Variants in NBAS observed in about 807,000 individuals in gnomAD.
The protein encoded by NBAS is NBAS subunit of NRZ tethering complex, also known as NAG/BC035112 fusion.
In NBAS, 219 loss-of-function variants were observed where a neutral mutation model predicts 302.5. The observed-to-expected ratio is 0.72, with a 90% CI of 0.65 to 0.81. The LOEUF is 0.81. Among genes scored for constraint, NBAS ranks in the 30% least tolerant of loss-of-function variants. The pLI is 0.00. For synonymous variants in NBAS, 1,118 were observed against 1,021.6 expected, an observed-to-expected ratio of 1.09 and a Z score of -1.80; for missense variants, 2,932 against 2,841.6, an observed-to-expected ratio of 1.03 and a Z score of -0.72.
At chr2:15,499,729 A>G (rs141774112) in intron 11 of NBAS, among the ~76,000 whole-genome samples, 70 of 152,362 alleles carry the variant, frequency 4.6e-4, no homozygotes, top group African/African-American at 1.6e-3. Flanking sequence ...GTTTACCTAT[A>G]TAACAAACCT....
At chr2:14,865,337 TG>T in the NBAS span, among the ~76,000 whole-genome samples, 1 of 117,072 alleles carries the variant, frequency 8.5e-6, no homozygotes, top group Non-Finnish European at 1.8e-5. Context: ...GGGAAGCAGG[TG>T]GGGGTGGGGA....
the NBAS span, among the ~76,000 whole-genome samples, chr2:14,989,842 C>T: frequency 4.6e-5 from 7 of 151,966 alleles, no homozygotes; most frequent in Admixed American, 1.3e-4. Context: ...TATTACATGG[C>T]CACTAAAAAA....
chr2:15,424,504 A>G lies in NBAS; in HGVS notation c.2424-36T>C, dbSNP rs150990047. On this transcript the variant is annotated intron_variant, in intron 22 of 51. Coordinates refer to ENST00000281513, the MANE Select transcript of NBAS (RefSeq NM_015909.4). ...CAAAAGGACCAATTAATAACTGACT[A>G]GAATGTTGGAAAAACATATAATTTT... The G allele has an allele frequency of 6.0e-4, 967 of 1,610,294 alleles. 7 individuals are homozygous for G. In the East Asian group the frequency reaches 0.014, roughly 23 times the overall value.
chr2:15,018,715 A>T, the NBAS span, among the ~76,000 whole-genome samples: 3 of 152,110 alleles, frequency 2.0e-5, no homozygotes, highest in Non-Finnish European at 4.4e-5. Flanking sequence ...TTTGAAAACC[A>T]TTTCTACACG....
chr2:14,952,738 G>T, the NBAS span, among the ~76,000 whole-genome samples: 2 of 152,234 alleles, frequency 1.3e-5, no homozygotes, highest in Non-Finnish European at 2.9e-5. Context: ...GAAACACCCA[G>T]CACCCAGCAG....
the NBAS span, among the ~76,000 whole-genome samples, chr2:15,146,027 G>T: frequency 1.3e-5 from 2 of 152,086 alleles, no homozygotes; most frequent in African/African-American, 4.8e-5. Flanking sequence ...ACTGTTCTAA[G>T]TGTTGAGAAT....
At chr2:15,394,697 T>C (rs1341354533) in intron 27 of NBAS, among the ~76,000 whole-genome samples, 3 of 152,092 alleles carry the variant, frequency 2.0e-5, no homozygotes, top group East Asian at 1.9e-4. Flanking sequence ...ATTAATCCTA[T>C]TGAGTATTCT....
chr2:14,971,729 C>T, the NBAS span, among the ~76,000 whole-genome samples: 341 of 152,244 alleles, frequency 2.2e-3, no homozygotes, highest in African/African-American at 8.0e-3. Context: ...TTGGGCAGTC[C>T]ACCACGGTGA....
chr2:15,055,123 G>A, the NBAS span, among the ~76,000 whole-genome samples: 3 of 152,228 alleles, frequency 2.0e-5, no homozygotes, highest in Admixed American at 6.5e-5. Flanking sequence ...ACATTCACTC[G>A]AAGCAATGGT....
chr2:15,358,394 G>A (rs2148318116), intron 32 of NBAS, among the ~76,000 whole-genome samples: 1 of 152,062 alleles, frequency 6.6e-6, no homozygotes, highest in African/African-American at 2.4e-5. Flanking sequence ...GTGTGTGTGT[G>A]TATGTGTGTG....
At chr2:15,315,191 T>C (rs1487108956) in intron 38 of NBAS, among the ~76,000 whole-genome samples, 1 of 152,184 alleles carries the variant, frequency 6.6e-6, no homozygotes, top group African/African-American at 2.4e-5. Flanking sequence ...GTTAAAGATA[T>C]GCAGTGTAGT....
the NBAS span, among the ~76,000 whole-genome samples, chr2:14,967,823 T>G: frequency 6.6e-6 from 1 of 152,234 alleles, no homozygotes; most frequent in Non-Finnish European, 1.5e-5. Context: ...GGGACTTGTA[T>G]GCAGACAGTG....
At chr2:15,150,322 G>A in the NBAS span, among the ~76,000 whole-genome samples, 1 of 152,056 alleles carries the variant, frequency 6.6e-6, no homozygotes, top group African/African-American at 2.4e-5. Context: ...TAACATCAAG[G>A]AGAACAATAA....
intron 44 of NBAS, among the ~76,000 whole-genome samples, chr2:15,239,596 T>C (rs930700733): frequency 6.6e-6 from 1 of 151,928 alleles, no homozygotes; most frequent in Non-Finnish European, 1.5e-5. Flanking sequence ...GTTTCAGATA[T>C]TGGAGCATTT....
intron 9 of NBAS, among the ~76,000 whole-genome samples, chr2:15,523,485 G>A (rs759181510): frequency 6.6e-6 from 1 of 152,062 alleles, no homozygotes; most frequent in Non-Finnish European, 1.5e-5. Flanking sequence ...ATACACAGGA[G>A]GATGTGCATA....
rs1218847649 is a variant in NBAS, at chr2:15,406,115, ACAAAAC to A, written c.2938-3820_2938-3815del. Among the ~76,000 whole-genome samples, 13 of 143,002 alleles carry A rather than the reference ACAAAAC, an allele frequency of 9.1e-5. 1 individual carries two copies. In the South Asian group the frequency reaches 1.3e-3, roughly 14 times the overall value. 93.8% of individuals were successfully genotyped at this position (143,002 alleles called of 152,430 possible). ...ATACAATAACATGTAAAAAAAAAAAACAAAACAAAAAAACATGAGGAAAAAAACCCA... is the reference window on the plus strand; with the variant it reads ...ATACAATAACATGTAAAAAAAAAAAAAAAAAAACATGAGGAAAAAAACCCA... On this transcript the variant is annotated intron_variant, in intron 25 of 51. Coordinates refer to ENST00000281513, the MANE Select transcript of NBAS (RefSeq NM_015909.4).
chr2:15,556,218 G>A (rs1476184499), intron 3 of NBAS, among the ~76,000 whole-genome samples: 2 of 152,110 alleles, frequency 1.3e-5, no homozygotes, highest in African/African-American at 4.8e-5. Flanking sequence ...TATCCTCAAC[G>A]AAGAAGCAAT....
At chr2:14,975,530 C>A in the NBAS span, among the ~76,000 whole-genome samples, 450 of 152,304 alleles carry the variant, frequency 3.0e-3, 1 homozygote, top group African/African-American at 0.01. Context: ...AGCTTTCTTT[C>A]TACTGCATGG....
the NBAS span, among the ~76,000 whole-genome samples, chr2:14,790,633 C>T: frequency 6.7e-6 from 1 of 148,468 alleles, no homozygotes; most frequent in Non-Finnish European, 1.5e-5. Flanking sequence ...ATACTTCTCA[C>T]AGAAAGAATT....
Sources: allele counts gnomAD v4.1 joint callset (sites outside exome capture counted in the v4.1 genomes callset), GRCh38; gene constraint gnomAD v4.1.1; transcripts MANE v1.5; gene names NCBI Gene and HGNC (gene_info 2026-07-23, HGNC 2026-07-21).